SLC35F1: variants seen among roughly 807,000 people sequenced by gnomAD.
The protein encoded by SLC35F1 is chromosome 6 open reading frame 169.
Under a neutral mutation model 48.7 loss-of-function variants are expected in SLC35F1, and 14 were observed. That is an observed-to-expected ratio of 0.29 (90% confidence interval 0.19 to 0.45). SLC35F1 has a LOEUF of 0.45. Among genes scored for constraint, SLC35F1 ranks in the 20% least tolerant of loss-of-function variants. SLC35F1 has a pLI of 1.00. For synonymous variants in SLC35F1, 190 were observed against 202.2 expected (o/e 0.94, Z 0.51); for missense variants, 404 against 500.0 (o/e 0.81, Z 1.83).
At chr6:118,126,164 G>A (rs1372974769) in intron 1 of SLC35F1, among the ~76,000 whole-genome samples, 1 of 152,132 alleles carries the variant, frequency 6.6e-6, no homozygotes, top group Non-Finnish European at 1.5e-5. Flanking sequence ...TGACTTTCCT[G>A]GACCTAGTGT....
chr6:118,311,370 C>T (rs906267702), intron 7 of SLC35F1, among the ~76,000 whole-genome samples: 2 of 152,016 alleles, frequency 1.3e-5, no homozygotes, highest in African/African-American at 4.8e-5. Context: ...CTGAAACTTC[C>T]CCATTATTCA....
intron 1 of SLC35F1, among the ~76,000 whole-genome samples, chr6:118,072,599 C>T (rs1274015338): frequency 6.6e-6 from 1 of 151,930 alleles, no homozygotes; most frequent in Non-Finnish European, 1.5e-5. Flanking sequence ...ATTTCTTTTT[C>T]TTAATCACAT....
chr6:118,001,303 A>G (rs1448483449), intron 1 of SLC35F1, among the ~76,000 whole-genome samples: 2 of 152,186 alleles, frequency 1.3e-5, no homozygotes, highest in Admixed American at 6.5e-5. Context: ...CCACATATCT[A>G]CAACTATCTG....
At chr6:118,263,943 T>C (rs951712340) in intron 3 of SLC35F1, among the ~76,000 whole-genome samples, 1 of 152,248 alleles carries the variant, frequency 6.6e-6, no homozygotes, top group Non-Finnish European at 1.5e-5. Context: ...GCTTCAGCTG[T>C]AGCAATTAAA....
intron 1 of SLC35F1, among the ~76,000 whole-genome samples, chr6:118,047,848 C>G (rs1426862711): frequency 1.3e-5 from 2 of 152,140 alleles, no homozygotes; most frequent in Admixed American, 6.6e-5. Context: ...TTGACTTCCT[C>G]TTTTCCTAAT....
chr6:118,096,545 A>G (rs1273324078), intron 1 of SLC35F1, among the ~76,000 whole-genome samples: 1 of 152,188 alleles, frequency 6.6e-6, no homozygotes. Context: ...TGGTCATCCA[A>G]GCATTGTTGT....
chr6:118,270,303 A>G (rs1775834347), intron 4 of SLC35F1, among the ~76,000 whole-genome samples: 1 of 152,182 alleles, frequency 6.6e-6, no homozygotes, highest in East Asian at 1.9e-4. Flanking sequence ...GGCTGAAGGA[A>G]ACTTCTTAGA....
chr6:118,306,211 T>G lies in SLC35F1; in HGVS notation c.1003-7817T>G, dbSNP rs570896346. On this transcript the variant is annotated intron_variant, in intron 7 of 7. Coordinates refer to ENST00000360388, the MANE Select transcript of SLC35F1 (RefSeq NM_001029858.4). ...CTTAACTTTCAGTGCATGGAACCTTTGTTCTGTCTTCCGGCAGAAGCGTTC... is the reference window on the plus strand; with the variant it reads ...CTTAACTTTCAGTGCATGGAACCTTGGTTCTGTCTTCCGGCAGAAGCGTTC... Among the ~76,000 whole-genome samples the G allele has an allele frequency of 1.1e-3, 171 of 151,286 alleles. 1 individual carries two copies. The highest frequency in any genetic ancestry group is 3.9e-3 in the African/African-American group (161 of 41,334).
chr6:118,139,391 C>T (rs1773849525), intron 1 of SLC35F1, among the ~76,000 whole-genome samples: 1 of 152,178 alleles, frequency 6.6e-6, no homozygotes, highest in Admixed American at 6.5e-5. Context: ...GGATTACAGG[C>T]GTGAGCCACC....
chr6:117,923,718 C>CATATGTACATATATGT (rs1562238909), intron 1 of SLC35F1, among the ~76,000 whole-genome samples: 1 of 7,398 alleles, frequency 1.4e-4, no homozygotes, highest in Non-Finnish European at 3.0e-4. Flanking sequence ...TACATATATA[C>CATATGTACATATATGT]ATATATACAT....
At chr6:118,244,512 T>C (rs1160988999) in intron 3 of SLC35F1, among the ~76,000 whole-genome samples, 1 of 152,268 alleles carries the variant, frequency 6.6e-6, no homozygotes, top group African/African-American at 2.4e-5. Context: ...AGGGAAGGGC[T>C]AGTAACTTTG....
At chr6:118,304,461 A>T (rs556620493) in intron 7 of SLC35F1, among the ~76,000 whole-genome samples, 1 of 152,292 alleles carries the variant, frequency 6.6e-6, no homozygotes, top group Non-Finnish European at 1.5e-5. Context: ...GGAGTCTATA[A>T]GCCAGAGGTT....
At chr6:118,165,094 C>G (rs1774298046) in intron 2 of SLC35F1, among the ~76,000 whole-genome samples, 1 of 152,088 alleles carries the variant, frequency 6.6e-6, no homozygotes, top group Non-Finnish European at 1.5e-5. Flanking sequence ...CATAACTGCA[C>G]CCAGATGGTC....
intron 1 of SLC35F1, among the ~76,000 whole-genome samples, chr6:117,990,030 A>G (rs1033913798): frequency 6.6e-6 from 1 of 152,154 alleles, no homozygotes; most frequent in Non-Finnish European, 1.5e-5. Flanking sequence ...ACCTAGATTC[A>G]GTATTTTCTT....
intron 1 of SLC35F1, among the ~76,000 whole-genome samples, chr6:117,908,297 G>A (rs1261509705): frequency 6.6e-6 from 1 of 152,232 alleles, no homozygotes; most frequent in African/African-American, 2.4e-5. Context: ...AGGGAGGCGC[G>A]GGGCTGCAGA....
intron 2 of SLC35F1, among the ~76,000 whole-genome samples, chr6:118,176,799 G>A (rs751502190): frequency 6.6e-6 from 1 of 151,852 alleles, no homozygotes; most frequent in African/African-American, 2.4e-5. Flanking sequence ...CTTTATGTTG[G>A]CACCTTCCCT....
intron 1 of SLC35F1, among the ~76,000 whole-genome samples, chr6:118,029,902 T>G (rs1475561296): frequency 6.6e-6 from 1 of 152,218 alleles, no homozygotes; most frequent in East Asian, 1.9e-4. Context: ...TCCCTTTCCT[T>G]TCTTTTACTT....
chr6:118,278,014 A>T (rs910956287), intron 6 of SLC35F1, among the ~76,000 whole-genome samples: 1 of 152,252 alleles, frequency 6.6e-6, no homozygotes, highest in African/African-American at 2.4e-5. Context: ...TTCAGAAGGG[A>T]GCAGTTTGCA....
At chr6:118,064,932 G>T (rs1056037979) in intron 1 of SLC35F1, among the ~76,000 whole-genome samples, 6 of 152,066 alleles carry the variant, frequency 3.9e-5, no homozygotes, top group Admixed American at 3.9e-4. Flanking sequence ...CCAATGCAAG[G>T]TTACACTCCC....
Sources: allele counts gnomAD v4.1 joint callset (sites outside exome capture counted in the v4.1 genomes callset), GRCh38; gene constraint gnomAD v4.1.1; transcripts MANE v1.5; gene names NCBI Gene and HGNC (gene_info 2026-07-23, HGNC 2026-07-21).